Variants in TXNL1 observed in about 807,000 individuals in gnomAD.
The protein encoded by TXNL1 is thioredoxin-like protein 1.
Under a neutral mutation model 35.5 loss-of-function variants are expected in TXNL1, and 14 were observed. That is an observed-to-expected ratio of 0.39 (90% confidence interval 0.26 to 0.62). The LOEUF (loss-of-function observed/expected upper bound fraction) is 0.62, where lower values mean the gene tolerates loss of function less well. Ranked by LOEUF, TXNL1 falls within the 20% of genes least tolerant of loss-of-function variation. The pLI is 0.47. For missense variants in TXNL1, 263 were observed against 349.7 expected (o/e 0.75, Z 1.98); for synonymous variants, 110 against 115.5 (o/e 0.95, Z 0.31).
At chr18:56,624,179 C>T in intron 3 of TXNL1, 109 bp downstream of exon 3, 3 of 1,244,918 alleles carry the variant, frequency 2.4e-6, no homozygotes, top group South Asian at 1.9e-5. Flanking sequence ...TAAAAGTATT[C>T]TAAACCAGTA....
intron 3 of TXNL1, among the ~76,000 whole-genome samples, chr18:56,619,818 G>A (rs2024152502): frequency 6.6e-6 from 1 of 151,920 alleles, no homozygotes; most frequent in Admixed American, 6.6e-5. Context: ...AATGCTTTAG[G>A]AATAAAGGGG....
chr18:56,616,453 A>C (rs2024088384), intron 4 of TXNL1, 139 bp from the exon 5 acceptor site: 4 of 681,948 alleles, frequency 5.9e-6, no homozygotes, highest in Non-Finnish European at 9.7e-6. Context: ...AATATGAAAA[A>C]TCAGCAAGTG....
At chr18:56,610,767 A>T in intron 7 of TXNL1, 1 of 289,178 alleles carries the variant, frequency 3.5e-6, no homozygotes. Flanking sequence ...TCATTAAAAG[A>T]CTCTTTTATC....
intron 7 of TXNL1, among the ~76,000 whole-genome samples, chr18:56,604,729 C>A (rs1207057785): frequency 6.6e-6 from 1 of 152,190 alleles, no homozygotes; most frequent in Non-Finnish European, 1.5e-5. Flanking sequence ...AAGCAGAGGA[C>A]ATGCCCCAAT....
intron 3 of TXNL1, among the ~76,000 whole-genome samples, chr18:56,623,873 T>G (rs1313876315): frequency 1.3e-5 from 2 of 151,292 alleles, no homozygotes; most frequent in African/African-American, 4.9e-5. Flanking sequence ...AGGAAGTGAG[T>G]GACAGTAAAA....
At chr18:56,615,390 G>A (rs1472981376) in intron 5 of TXNL1, among the ~76,000 whole-genome samples, 131 of 121,558 alleles carry the variant, frequency 1.1e-3, no homozygotes, top group African/African-American at 1.3e-3. Context: ...CCAATCAATC[G>A]AAAAAAAAAA....
At chr18:56,623,495 G>C (rs1251834477) in intron 3 of TXNL1, among the ~76,000 whole-genome samples, 2 of 150,906 alleles carry the variant, frequency 1.3e-5, no homozygotes, top group Non-Finnish European at 2.9e-5. Context: ...TCTTTGATCT[G>C]CCAGTGCAGT....
Position 56,614,477 on chromosome 18 carries a change from C to A in TXNL1, c.682G>T (p.Asp228Tyr), listed in dbSNP as rs374630651. ...ACATAACGAAGTGGAACAATGCCAT[C>A]TTCTTTAATATCATCCTCTGTCAGT... is the stretch of plus-strand genomic sequence containing the variant. ...LELTEDDIKE[D>Y]GIVPLRYVKF... Residue 228 changes from aspartate to tyrosine, a missense_variant, in exon 6 of 8, where the codon GAT becomes TAT. Physicochemically the swap from Asp to Tyr is radical, Grantham distance 160. Transcript: ENST00000217515. The A allele has an allele frequency of 6.2e-7, 1 of 1,613,900 alleles. No individual in the cohort carries two copies. Among genetic ancestry groups the A allele is most frequent in the South Asian group, 1.1e-5 (1 of 91,070 alleles).
intron 1 of TXNL1, among the ~76,000 whole-genome samples, chr18:56,632,343 C>T (rs778161154): frequency 6.6e-6 from 1 of 151,950 alleles, no homozygotes; most frequent in Non-Finnish European, 1.5e-5. Flanking sequence ...TATACATGTG[C>T]TATGTTTACT....
At chr18:56,607,512 A>ATG (rs2023919575) in intron 7 of TXNL1, among the ~76,000 whole-genome samples, 1 of 152,030 alleles carries the variant, frequency 6.6e-6, no homozygotes, top group South Asian at 2.1e-4. Flanking sequence ...TATCAGCGGT[A>ATG]TGTATATATG....
At chr18:56,633,742 T>C (rs1431120857) in intron 1 of TXNL1, among the ~76,000 whole-genome samples, 3 of 151,848 alleles carry the variant, frequency 2.0e-5, no homozygotes, top group Non-Finnish European at 4.4e-5. Flanking sequence ...TCCCAGCACT[T>C]TGAGAGGCCG....
intron 5 of TXNL1, 144 bp downstream of exon 5, chr18:56,616,101 C>T: frequency 1.6e-6 from 1 of 639,926 alleles, no homozygotes; most frequent in Non-Finnish European, 2.5e-6. Flanking sequence ...CACCGCACTC[C>T]AGCCTGGGCA....
intron 3 of TXNL1, among the ~76,000 whole-genome samples, chr18:56,622,222 G>A (rs2024200464): frequency 6.6e-6 from 1 of 151,894 alleles, no homozygotes; most frequent in South Asian, 2.1e-4. Flanking sequence ...ACCAGTGCTG[G>A]TTTAGACTTT....
At chr18:56,637,738 G>C (rs2024478916) in intron 1 of TXNL1, among the ~76,000 whole-genome samples, 2 of 152,174 alleles carry the variant, frequency 1.3e-5, no homozygotes, top group Non-Finnish European at 2.9e-5. Context: ...ACATAGGGGA[G>C]CCTAAGCTAC....
intron 3 of TXNL1, among the ~76,000 whole-genome samples, chr18:56,621,436 C>T (rs1488279684): frequency 5.3e-5 from 8 of 151,936 alleles, no homozygotes; most frequent in Non-Finnish European, 5.9e-5. Flanking sequence ...TCAGGTGATC[C>T]ACCCGCCTCA....
chr18:56,614,138 T>C (rs2144296149), intron 6 of TXNL1, among the ~76,000 whole-genome samples: 1 of 152,254 alleles, frequency 6.6e-6, no homozygotes, highest in East Asian at 1.9e-4. Context: ...AAAGCACAAA[T>C]ATCTTCAGTT....
chr18:56,636,285 A>G (rs1482508483), intron 1 of TXNL1, among the ~76,000 whole-genome samples: 1 of 152,194 alleles, frequency 6.6e-6, no homozygotes, highest in Admixed American at 6.5e-5. Flanking sequence ...TGCTGGAGAA[A>G]CTATGCCCTC....
chr18:56,612,606 G>A (rs904567679), intron 6 of TXNL1, among the ~76,000 whole-genome samples: 1 of 151,962 alleles, frequency 6.6e-6, no homozygotes, highest in Non-Finnish European at 1.5e-5. Context: ...ACTCTTTAGT[G>A]CAAGTGATGC....
intron 3 of TXNL1, among the ~76,000 whole-genome samples, chr18:56,620,611 G>T (rs1034145703): frequency 6.6e-6 from 1 of 152,174 alleles, no homozygotes; most frequent in Non-Finnish European, 1.5e-5. Flanking sequence ...TTTGGTAAAA[G>T]TGTATTTTTC....
Sources: allele counts gnomAD v4.1 joint callset (sites outside exome capture counted in the v4.1 genomes callset), GRCh38; gene constraint gnomAD v4.1.1; transcripts MANE v1.5; gene names NCBI Gene and HGNC (gene_info 2026-07-23, HGNC 2026-07-21).